The following ST8SIA1 variants were observed in gnomAD, a reference collection of about 807,000 sequenced individuals.
The protein encoded by ST8SIA1 is alpha-N-acetylneuraminide alpha-2,8-sialyltransferase.
In ST8SIA1, 16 loss-of-function variants were observed where a neutral mutation model predicts 35.9. The observed-to-expected ratio is 0.45, with a 90% CI of 0.30 to 0.68. The LOEUF (loss-of-function observed/expected upper bound fraction) is 0.68, where lower values mean the gene tolerates loss of function less well. ST8SIA1 is among the 30% of genes least tolerant of loss of function. The probability of loss-of-function intolerance (pLI) is 0.09; values close to 1 mark genes in which losing one functional copy is unlikely to be tolerated. For synonymous variants in ST8SIA1, 170 were observed against 169.6 expected (o/e 1.00, Z -0.02); for missense variants, 383 against 453.6 (o/e 0.84, Z 1.41).
chr12:22,306,599 C>A (rs1343730370), intron 1 of ST8SIA1, among the ~76,000 whole-genome samples: 1 of 151,996 alleles, frequency 6.6e-6, no homozygotes, highest in Non-Finnish European at 1.5e-5. Flanking sequence ...TAGAAGTAAC[C>A]ATTTTATTAT....
chr12:22,330,612 C>T (rs1347247944), intron 1 of ST8SIA1, among the ~76,000 whole-genome samples: 2 of 152,148 alleles, frequency 1.3e-5, no homozygotes, highest in East Asian at 3.9e-4. Flanking sequence ...TAGCAACTCC[C>T]TTGAAGACCA....
intron 2 of ST8SIA1, among the ~76,000 whole-genome samples, chr12:22,264,128 T>A (rs145977378): frequency 3.5e-4 from 54 of 152,288 alleles, no homozygotes; most frequent in African/African-American, 1.3e-3. Flanking sequence ...GTTAATTATA[T>A]CCTCAACTTA....
At chr12:22,271,585 A>G (rs1387719493) in intron 2 of ST8SIA1, among the ~76,000 whole-genome samples, 2 of 152,226 alleles carry the variant, frequency 1.3e-5, no homozygotes, top group East Asian at 1.9e-4. Context: ...TTACCTCTAC[A>G]GTTATTGAAA....
chr12:22,201,531 T>C lies in ST8SIA1; in HGVS notation c.*21A>G. The C allele has an allele frequency of 1.3e-6, 2 of 1,577,784 alleles. No homozygotes were observed. The highest frequency in any genetic ancestry group is 1.2e-5 in the South Asian group (1 of 82,908). ...ACCTAACAAAAATACCCTGGTTCAG[T>C]CCTTTCTTCTTCCATTGTTCCTAGG... On this transcript the variant is annotated 3_prime_UTR_variant, in exon 5 of 5. Transcript: ENST00000396037.
chr12:22,318,742 C>A (rs1394169427), intron 1 of ST8SIA1, among the ~76,000 whole-genome samples: 1 of 152,174 alleles, frequency 6.6e-6, no homozygotes, highest in Non-Finnish European at 1.5e-5. Flanking sequence ...GTTAATTCAC[C>A]TATACAAAAT....
At chr12:22,232,915 AG>A (rs1403456077) in intron 4 of ST8SIA1, among the ~76,000 whole-genome samples, 1 of 152,226 alleles carries the variant, frequency 6.6e-6, no homozygotes, top group East Asian at 1.9e-4. Flanking sequence ...AAGTGAAGTA[AG>A]TGGTTTAAGG....
chr12:22,214,881 G>A (rs564748792), intron 4 of ST8SIA1, among the ~76,000 whole-genome samples: 4 of 152,168 alleles, frequency 2.6e-5, no homozygotes, highest in Non-Finnish European at 5.9e-5. Flanking sequence ...ATTAAGGATC[G>A]GGGCAGTTAA....
At chr12:22,243,571 G>A (rs546932782) in intron 4 of ST8SIA1, among the ~76,000 whole-genome samples, 12 of 100,786 alleles carry the variant, frequency 1.2e-4, no homozygotes, top group African/African-American at 2.8e-4. Flanking sequence ...TATGAATGCA[G>A]TCTCAGCTGT....
chr12:22,202,154 GA>G, intron 4 of ST8SIA1, 116 bp from the exon 5 acceptor site: 1 of 847,422 alleles, frequency 1.2e-6, no homozygotes. Flanking sequence ...TGAAACACAT[GA>G]AAAACACTTT....
chr12:22,326,428 G>T (rs1173991625), intron 1 of ST8SIA1: 1 of 152,332 alleles, frequency 6.6e-6, no homozygotes, highest in Non-Finnish European at 1.5e-5. Flanking sequence ...CACAGAATTT[G>T]TCCAAAGACA....
chr12:22,297,378 C>T (rs2135822738), intron 1 of ST8SIA1, among the ~76,000 whole-genome samples: 1 of 150,674 alleles, frequency 6.6e-6, no homozygotes, highest in South Asian at 2.1e-4. Flanking sequence ...CAGGACTGGA[C>T]AGTAGCGTCT....
chr12:22,291,878 G>A (rs906146081), intron 1 of ST8SIA1, among the ~76,000 whole-genome samples: 1 of 152,026 alleles, frequency 6.6e-6, no homozygotes, highest in Non-Finnish European at 1.5e-5. Context: ...GTCAGTTAAA[G>A]GAAATATTAA....
Position 22,257,314 on chromosome 12 carries a change from C to T in ST8SIA1, c.382-1925G>A, listed in dbSNP as rs1444732508. ...GCAACTCCCACCTCCGGGATTCAAGCGATTCTCCTGACTCAGCCTCTTCAG... is the reference window on the plus strand; with the variant it reads ...GCAACTCCCACCTCCGGGATTCAAGTGATTCTCCTGACTCAGCCTCTTCAG... On this transcript the variant is annotated intron_variant, in intron 2 of 4. Coordinates refer to ENST00000396037, the MANE Select transcript of ST8SIA1 (RefSeq NM_003034.4). Among the ~76,000 whole-genome samples the T allele has an allele frequency of 4.0e-5, 6 of 151,270 alleles. No homozygotes were observed. In the East Asian group the frequency reaches 7.7e-4, roughly 20 times the overall value.
At position 22,276,662 on chromosome 12, in the gene ST8SIA1, G is replaced by A. The variant is rs1029304158; in HGVS notation, c.381+10487C>T. Reference sequence around the variant, plus strand: ...GACAAGCAGGAGTGAAGTGGAGGGGGGAAAGCACTGATTCTCAGTTGGGGT... The same window carrying A: ...GACAAGCAGGAGTGAAGTGGAGGGGAGAAAGCACTGATTCTCAGTTGGGGT... On this transcript the variant is annotated intron_variant, in intron 2 of 4. Transcript: ENST00000396037. Among the ~76,000 whole-genome samples, 19 of 152,264 alleles carry A rather than the reference G, an allele frequency of 1.2e-4. No homozygotes were observed. The South Asian group carries it at 3.3e-3, about 27-fold the overall frequency.
chr12:22,238,055 G>A (rs1468086436), intron 4 of ST8SIA1, among the ~76,000 whole-genome samples: 3 of 151,978 alleles, frequency 2.0e-5, no homozygotes, highest in African/African-American at 7.3e-5. Flanking sequence ...CATATGTGAG[G>A]GATATAAATT....
At chr12:22,285,877 C>CAAAAAAAACAAAACAAACAA (rs67273710) in intron 2 of ST8SIA1, among the ~76,000 whole-genome samples, 1 of 103,632 alleles carries the variant, frequency 9.6e-6, no homozygotes, top group Non-Finnish European at 1.9e-5. Context: ...CTGTCAAAAA[C>CAAAAAAAACAAAACAAACAA]AAAAAAAAAA....
intron 1 of ST8SIA1, among the ~76,000 whole-genome samples, chr12:22,329,593 T>C (rs1439159132): frequency 6.6e-6 from 1 of 152,194 alleles, no homozygotes. Flanking sequence ...ACTAAACTTA[T>C]ATTTTACCTG....
In ST8SIA1 at chr12:22,201,678, G is replaced by A. The variant is rs1324451976; in HGVS notation, c.945C>T (p.Val315=). 1 of 1,614,018 alleles carries A rather than the reference G, an allele frequency of 6.2e-7. No individual in the cohort carries two copies. Among genetic ancestry groups the A allele is most frequent in the African/African-American group, 1.3e-5 (1 of 74,932 alleles). ...QPISHHYYDN[V]LPFSGFHAMP... ...TGGCATGGAAGCCAGAAAAGGGTAAGACGTTGTCATAGTAGTGGTGGCTGA... is the reference window on the plus strand; with the variant it reads ...TGGCATGGAAGCCAGAAAAGGGTAAAACGTTGTCATAGTAGTGGTGGCTGA... Residue 315 remains valine (V), a synonymous_variant, in exon 5 of 5, where the codon GTC becomes GTT. Transcript: ENST00000396037.
intron 4 of ST8SIA1, among the ~76,000 whole-genome samples, chr12:22,240,733 C>A (rs578077441): frequency 1.3e-5 from 2 of 152,068 alleles, no homozygotes; most frequent in Admixed American, 6.5e-5. Context: ...GTTCCCCCTG[C>A]GATTATCTCT....
Sources: gnomAD v4.1 joint callset for allele counts (sites outside exome capture counted in the v4.1 genomes callset) on GRCh38, gnomAD v4.1.1 for gene constraint, MANE v1.5 for transcripts, NCBI Gene and HGNC (gene_info 2026-07-23, HGNC 2026-07-21) for gene names.